The following GPC6 variants were observed in gnomAD, a reference collection of about 807,000 sequenced individuals.
GPC6 encodes glypican-6.
In GPC6, 14 loss-of-function variants were observed where a neutral mutation model predicts 55.2. That is an observed-to-expected ratio of 0.25 (90% CI 0.17 to 0.40). The LOEUF is 0.40. Ranked by LOEUF, GPC6 falls within the 10% of genes least tolerant of loss-of-function variation. The probability of loss-of-function intolerance (pLI) is 1.00; values close to 1 mark genes in which losing one functional copy is unlikely to be tolerated. For synonymous variants in GPC6, 278 were observed against 259.6 expected, an observed-to-expected ratio of 1.07 and a Z score of -0.68; for missense variants, 641 against 708.5, an observed-to-expected ratio of 0.90 and a Z score of 1.08.
chr13:93,972,420 A>G (rs1450305514), intron 3 of GPC6, among the ~76,000 whole-genome samples: 12 of 152,160 alleles, frequency 7.9e-5, no homozygotes, highest in Admixed American at 7.9e-4. Context: ...TTATAAATAG[A>G]ATACTCATTA....
chr13:93,267,184 A>G (rs1877351803), intron 1 of GPC6, among the ~76,000 whole-genome samples: 1 of 152,180 alleles, frequency 6.6e-6, no homozygotes, highest in Non-Finnish European at 1.5e-5. Context: ...AAGAAGATTT[A>G]CTTCTTAGGA....
chr13:94,224,096 T>G (rs2139004748), intron 4 of GPC6, among the ~76,000 whole-genome samples: 1 of 152,160 alleles, frequency 6.6e-6, no homozygotes, highest in East Asian at 1.9e-4. Context: ...CTGTCTCGTG[T>G]TCCTAAGTAC....
At chr13:94,290,429 TAAAAA>T (rs532958421) in intron 5 of GPC6, among the ~76,000 whole-genome samples, 1 of 99,044 alleles carries the variant, frequency 1.0e-5, no homozygotes, top group Admixed American at 1.2e-4. Flanking sequence ...TCTAGAAAGG[TAAAAA>T]AAAAAAAAAA....
chr13:94,353,075 G>A (rs1195680850), intron 6 of GPC6, among the ~76,000 whole-genome samples: 1 of 152,060 alleles, frequency 6.6e-6, no homozygotes, highest in African/African-American at 2.4e-5. Context: ...TGTCAGGGAG[G>A]GATTCCCTTC....
At chr13:93,812,620 A>G (rs1426399552) in intron 2 of GPC6, among the ~76,000 whole-genome samples, 1 of 152,190 alleles carries the variant, frequency 6.6e-6, no homozygotes, top group African/African-American at 2.4e-5. Flanking sequence ...AGAAGACCCC[A>G]TTTGACTGAT....
intron 3 of GPC6, among the ~76,000 whole-genome samples, chr13:93,872,458 A>C (rs1889158357): frequency 6.6e-6 from 1 of 151,998 alleles, no homozygotes; most frequent in South Asian, 2.1e-4. Context: ...ATCCTATTAC[A>C]GTTGTGGAAG....
At chr13:93,843,031 C>T (rs1284074387) in intron 3 of GPC6, among the ~76,000 whole-genome samples, 2 of 148,446 alleles carry the variant, frequency 1.3e-5, no homozygotes, top group Non-Finnish European at 3.0e-5. Flanking sequence ...TTAAATTCTA[C>T]TTTTATTATT....
Position 93,937,769 on chromosome 13 carries a change from G to A in GPC6, c.712-89960G>A, listed in dbSNP as rs1221950936. Among the ~76,000 whole-genome samples the A allele has an allele frequency of 3.3e-5, 5 of 151,998 alleles. No individual in the cohort carries two copies. The South Asian group carries it at 1.0e-3, about 32-fold the overall frequency. On this transcript the variant is annotated intron_variant, in intron 3 of 8. Transcript: ENST00000377047. ...AATTTTTGTATTGTTAGTAGAGATG[G>A]GGTTTCACCATGTTGGCCAGGCTGG...
Position 93,227,171 on chromosome 13 carries a change from T to C in GPC6, c.-286T>C. On this transcript the variant is annotated 5_prime_UTR_variant, in exon 1 of 9. Coordinates refer to ENST00000377047, the MANE Select transcript of GPC6 (RefSeq NM_005708.5). The surrounding 1 kb of genome is among the most constrained non-coding windows in gnomAD (Gnocchi z 4.3). Reference sequence around the variant, plus strand: ...TGGTTTTTTAAACACTTCTTTTCCTTCTCTTCCTCGTTTTGATTGCACCGT... The same window carrying C: ...TGGTTTTTTAAACACTTCTTTTCCTCCTCTTCCTCGTTTTGATTGCACCGT... 1 of 318,038 alleles carries C rather than the reference T, an allele frequency of 3.1e-6. No homozygotes were observed. The highest frequency in any genetic ancestry group is 5.8e-6 in the Non-Finnish European group (1 of 173,536). The allele number at this position is 318,038 out of a possible 1,614,324, so 19.7% of individuals were successfully genotyped here. A position where few individuals can be genotyped will look rare whatever the true frequency, so the allele number is the denominator to read the frequency against.
chr13:94,374,974 C>T (rs1223847148), intron 6 of GPC6, among the ~76,000 whole-genome samples: 11 of 145,162 alleles, frequency 7.6e-5, no homozygotes, highest in Admixed American at 2.1e-4. Flanking sequence ...GGGTACATAA[C>T]GAAATGAAGG....
chr13:93,726,830 T>C, intron 2 of GPC6, among the ~76,000 whole-genome samples: 1 of 152,124 alleles, frequency 6.6e-6, no homozygotes. Flanking sequence ...CTTAATGTCT[T>C]CCACCTGTAA....
intron 1 of GPC6, among the ~76,000 whole-genome samples, chr13:93,389,311 CAT>C (rs1371092028): frequency 6.6e-6 from 1 of 151,412 alleles, no homozygotes; most frequent in East Asian, 1.9e-4. Context: ...TCCTGGCTAA[CAT>C]AGTGAAACCC....
At chr13:94,034,231 A>AGGAC (rs1241958514) in intron 4 of GPC6, among the ~76,000 whole-genome samples, 4 of 150,862 alleles carry the variant, frequency 2.7e-5, no homozygotes, top group Non-Finnish European at 5.9e-5. Flanking sequence ...GAAGGAAGGA[A>AGGAC]GGAAGGAAGG....
chr13:94,166,026 A>G (rs536397825), intron 4 of GPC6, among the ~76,000 whole-genome samples: 1 of 152,228 alleles, frequency 6.6e-6, no homozygotes, highest in Admixed American at 6.5e-5. Context: ...GGCACGTTAA[A>G]TTTCTTCTGC....
chr13:94,071,252 G>A (rs911494886), intron 4 of GPC6, among the ~76,000 whole-genome samples: 2 of 152,080 alleles, frequency 1.3e-5, no homozygotes, highest in African/African-American at 2.4e-5. Flanking sequence ...ATAGTCTTTC[G>A]TGTAGAGGGT....
chr13:93,408,377 T>C (rs1296765046), intron 1 of GPC6, among the ~76,000 whole-genome samples: 1 of 151,932 alleles, frequency 6.6e-6, no homozygotes, highest in Non-Finnish European at 1.5e-5. Flanking sequence ...GGAGGAGACA[T>C]GAGAAAAAGA....
At chr13:93,977,838 G>A (rs545438812) in intron 3 of GPC6, among the ~76,000 whole-genome samples, 1 of 152,228 alleles carries the variant, frequency 6.6e-6, no homozygotes, top group South Asian at 2.1e-4. Context: ...AAAGTCCATA[G>A]CTGTGAAAAA....
chr13:94,001,175 C>G (rs894190699), intron 3 of GPC6, among the ~76,000 whole-genome samples: 2 of 152,188 alleles, frequency 1.3e-5, no homozygotes, highest in Non-Finnish European at 2.9e-5. Context: ...CTTATACTCT[C>G]TAAGCCTCAG....
intron 3 of GPC6, among the ~76,000 whole-genome samples, chr13:93,897,197 GTTGA>G (rs1246027592): frequency 4.0e-5 from 6 of 151,878 alleles, no homozygotes; most frequent in Non-Finnish European, 7.4e-5. Context: ...ATGAAGAAAG[GTTGA>G]TTAATGGATA....
Sources: gnomAD v4.1 joint callset for allele counts (sites outside exome capture counted in the v4.1 genomes callset) on GRCh38, gnomAD v4.1.1 for gene constraint, Gnocchi (gnomAD v3.1) non-coding constraint, MANE v1.5 for transcripts, NCBI Gene and HGNC (gene_info 2026-07-23, HGNC 2026-07-21) for gene names.